Variants in CTNNA2 observed in about 807,000 individuals in gnomAD.
CTNNA2 encodes catenin alpha 2.
CTNNA2 carries 42 observed loss-of-function variants against 101.0 expected under a neutral mutation model. The observed-to-expected ratio is 0.42, with a 90% CI of 0.32 to 0.54. CTNNA2 has a LOEUF of 0.54. CTNNA2 is among the 20% of genes least tolerant of loss of function. The pLI is 0.14. For synonymous variants in CTNNA2, 450 were observed against 456.4 expected, an observed-to-expected ratio of 0.99 and a Z score of 0.18; for missense variants, 871 against 1,223.1, an observed-to-expected ratio of 0.71 and a Z score of 4.29.
chr2:79,511,810 GC>G (rs1671550776), upstream of CTNNA2, among the ~76,000 whole-genome samples: 4 of 152,164 alleles, frequency 2.6e-5, no homozygotes. Context: ...CAATGGCATA[GC>G]CATTGATGAA....
Position 79,896,474 on chromosome 2 carries a change from T to TG in CTNNA2, c.853-13119dup, listed in dbSNP as rs561821016. Among the ~76,000 whole-genome samples the TG allele has an allele frequency of 2.4e-3, 366 of 152,356 alleles. 4 individuals are homozygous for TG. The highest frequency in any genetic ancestry group is 3.6e-3 in the Non-Finnish European group (245 of 68,036). On this transcript the variant is annotated intron_variant, in intron 6 of 18. Coordinates refer to ENST00000402739, the MANE Select transcript of CTNNA2 (RefSeq NM_001282597.3). Reference sequence around the variant, plus strand: ...TTAGGTTCACTGTAGTGACCTATTTTGCTCCAGAAGCCTTTTGGTAAAGGT... The same window carrying TG: ...TTAGGTTCACTGTAGTGACCTATTTTGGCTCCAGAAGCCTTTTGGTAAAGGT...
At position 80,504,656 on chromosome 2, in the gene CTNNA2, A is replaced by G. The variant is rs369877173; in HGVS notation, c.1291-40326A>G. ...GAACCTGAAGGGCCTTGGGTGGGGA[A>G]CTCTCTCTAGGTCTCCTTTACGCCT... On this transcript the variant is annotated intron_variant, in intron 9 of 18. Transcript: ENST00000402739. Among the ~76,000 whole-genome samples, 5 of 152,052 alleles carry G rather than the reference A, an allele frequency of 3.3e-5. No individual in the cohort carries two copies. In the South Asian group the frequency reaches 1.0e-3, roughly 32 times the overall value.
intron 11 of CTNNA2, among the ~76,000 whole-genome samples, chr2:80,546,658 A>G (rs1032888803): frequency 6.6e-6 from 1 of 152,216 alleles, no homozygotes; most frequent in Non-Finnish European, 1.5e-5. Context: ...TTCTTTGTAA[A>G]TGAAGCCAGA....
At chr2:80,109,508 C>T (rs1225503458) in intron 7 of CTNNA2, among the ~76,000 whole-genome samples, 1 of 151,996 alleles carries the variant, frequency 6.6e-6, no homozygotes, top group Admixed American at 6.6e-5. Context: ...TTATTGACTC[C>T]CAGGATAGCC....
chr2:79,411,503 G>A (rs1190573070), intron 4 of CTNNA2, among the ~76,000 whole-genome samples: 10 of 151,890 alleles, frequency 6.6e-5, no homozygotes, highest in African/African-American at 2.4e-5. Flanking sequence ...GAGAAAGGTC[G>A]GGTTACCCAC....
At chr2:79,727,581 T>G (rs1686926497) in intron 2 of CTNNA2, among the ~76,000 whole-genome samples, 3 of 152,064 alleles carry the variant, frequency 2.0e-5, no homozygotes, top group African/African-American at 2.4e-5. Flanking sequence ...TTTATTTTAT[T>G]TTATTATTAT....
Position 80,075,569 on chromosome 2 carries a change from TAAAA to T in CTNNA2, c.1056+165773_1056+165776del, listed in dbSNP as rs1558783173. On this transcript the variant is annotated intron_variant, in intron 7 of 18. Transcript: ENST00000402739. ...AATATTTATACATGTATAAATATTA[TAAAA>T]TAATATTTATACATGTATAAATATA... is the stretch of plus-strand genomic sequence containing the variant. Among the ~76,000 whole-genome samples the T allele has an allele frequency of 2.2e-3, 292 of 130,034 alleles. 1 individual carries two copies. The highest frequency in any genetic ancestry group is 3.2e-3 in the Non-Finnish European group (199 of 62,174). 85.3% of individuals were successfully genotyped at this position (130,034 alleles called of 152,430 possible).
rs553871992 is a variant in CTNNA2, at chr2:80,143,386, G to C, written c.1056+233589G>C. Among the ~76,000 whole-genome samples, 6 of 152,176 alleles carry C rather than the reference G, an allele frequency of 3.9e-5. No individual in the cohort carries two copies. In the East Asian group the frequency reaches 1.2e-3, roughly 29 times the overall value. On this transcript the variant is annotated intron_variant, in intron 7 of 18. Coordinates refer to ENST00000402739, the MANE Select transcript of CTNNA2 (RefSeq NM_001282597.3). Reference sequence around the variant, plus strand: ...TCATACATTGTGGGATGATCAAATCGAGCTAGTCAATGTATCTGTCACCTC... The same window carrying C: ...TCATACATTGTGGGATGATCAAATCCAGCTAGTCAATGTATCTGTCACCTC...
chr2:80,007,754 G>T (rs912905861), intron 7 of CTNNA2, among the ~76,000 whole-genome samples: 7 of 152,136 alleles, frequency 4.6e-5, no homozygotes, highest in Admixed American at 2.0e-4. Flanking sequence ...TGAGAGAAGG[G>T]GTAAGGGGAG....
chr2:80,331,216 T>G (rs1671298756), intron 7 of CTNNA2, among the ~76,000 whole-genome samples: 1 of 152,116 alleles, frequency 6.6e-6, no homozygotes, highest in Non-Finnish European at 1.5e-5. Flanking sequence ...GTCAGCACAT[T>G]AGGTATTCGT....
chr2:79,344,848 TTA>T (rs1185943032), intron 3 of CTNNA2, among the ~76,000 whole-genome samples: 2 of 145,170 alleles, frequency 1.4e-5, no homozygotes, highest in East Asian at 2.0e-4. Context: ...AATACAAATA[TTA>T]TATATATAAT....
At chr2:79,566,165 A>G (rs773243068) in intron 1 of CTNNA2, among the ~76,000 whole-genome samples, 3 of 152,182 alleles carry the variant, frequency 2.0e-5, no homozygotes, top group East Asian at 1.9e-4. Flanking sequence ...TCTAGGGTCT[A>G]TTATGTGAAT....
chr2:80,146,721 T>G (rs1029640197), intron 7 of CTNNA2, among the ~76,000 whole-genome samples: 8 of 109,936 alleles, frequency 7.3e-5, no homozygotes, highest in Admixed American at 1.8e-4. Flanking sequence ...TTTTTTTTTT[T>G]TTTTTTTTTT....
chr2:80,183,116 T>G (rs1705885399), intron 7 of CTNNA2, among the ~76,000 whole-genome samples: 1 of 152,098 alleles, frequency 6.6e-6, no homozygotes, highest in Non-Finnish European at 1.5e-5. Flanking sequence ...TCCTGGAAAT[T>G]CTGCCTGCTT....
chr2:79,519,333 T>C (rs2103863688), intron 1 of CTNNA2, among the ~76,000 whole-genome samples: 1 of 152,082 alleles, frequency 6.6e-6, no homozygotes, highest in East Asian at 1.9e-4. Flanking sequence ...TTATATTACC[T>C]AGCATGAATT....
chr2:80,062,409 T>TA (rs1341033811), intron 7 of CTNNA2, among the ~76,000 whole-genome samples: 1 of 152,180 alleles, frequency 6.6e-6, no homozygotes, highest in African/African-American at 2.4e-5. Context: ...ATGTACAACT[T>TA]AGTGTTGCCT....
intron 7 of CTNNA2, among the ~76,000 whole-genome samples, chr2:80,015,344 A>G (rs919416668): frequency 6.6e-6 from 1 of 152,110 alleles, no homozygotes; most frequent in Non-Finnish European, 1.5e-5. Context: ...CTTCTGTTTT[A>G]ATTAGTCTCA....
At chr2:79,214,308 A>G (rs935821196) in intron 2 of CTNNA2, among the ~76,000 whole-genome samples, 1 of 152,248 alleles carries the variant, frequency 6.6e-6, no homozygotes, top group African/African-American at 2.4e-5. Context: ...GGGTGCAAAG[A>G]AATAGTAAAG....
intron 2 of CTNNA2, among the ~76,000 whole-genome samples, chr2:79,699,559 G>A (rs1684855001): frequency 6.6e-6 from 1 of 151,532 alleles, no homozygotes; most frequent in South Asian, 2.1e-4. Context: ...TAAGGAAGTG[G>A]GGTATTCCCA....
Sources: gnomAD v4.1 joint callset for allele counts (sites outside exome capture counted in the v4.1 genomes callset) on GRCh38, gnomAD v4.1.1 for gene constraint, MANE v1.5 for transcripts, NCBI Gene and HGNC (gene_info 2026-07-23, HGNC 2026-07-21) for gene names.